DHRS4: variants seen among roughly 807,000 people sequenced by gnomAD.
DHRS4 encodes the protein dehydrogenase/reductase 4, also known as dehydrogenase/reductase SDR family member 4.
DHRS4 carries 20 observed loss-of-function variants against 28.4 expected under a neutral mutation model. The ratio of observed to expected loss-of-function variants is 0.71; its 90% confidence interval spans 0.50 to 1.02. The LOEUF (loss-of-function observed/expected upper bound fraction) is 1.02, where lower values mean the gene tolerates loss of function less well. Ranked by LOEUF, DHRS4 falls within the 50% of genes least tolerant of loss-of-function variation. The pLI is 0.00. For missense variants in DHRS4, 378 were observed against 367.2 expected, an observed-to-expected ratio of 1.03 and a Z score of -0.24; for synonymous variants, 144 against 146.4, an observed-to-expected ratio of 0.98 and a Z score of 0.12.
chr14:23,953,926 C>A lies in DHRS4; in HGVS notation c.128+10C>A, dbSNP rs545347265. On this transcript the variant is annotated intron_variant, in intron 1 of 7. Coordinates refer to ENST00000313250, the MANE Select transcript of DHRS4 (RefSeq NM_021004.4). ...CGGCCTCCACCGACGGGTGAGTGCT[C>A]CGGCCGGAGTTTCTGAGGCCCTGGC... The A allele has an allele frequency of 5.1e-6, 8 of 1,573,204 alleles. No individual in the cohort carries two copies. The African/African-American group carries it at 9.5e-5, about 19-fold the overall frequency.
At position 23,955,117 on chromosome 14, in the gene DHRS4, C is replaced by A. The variant is rs148405684; in HGVS notation, c.211C>A (p.Gln71Lys). 2 of 1,614,124 alleles carry A rather than the reference C, an allele frequency of 1.2e-6. No homozygotes were observed. The highest frequency in any genetic ancestry group is 1.7e-5 in the Admixed American group (1 of 60,026). ...CAGCCGGAAGCAGCAGAATGTGGAC[C>A]AGGCGGTGGCCACGCTGCAGGGGGA... ...VSSRKQQNVD[Q>K]AVATLQGEGL... The change falls in exon 2 of 8, where the codon CAG becomes AAG. Residue 71 changes from glutamine (Q) to lysine (K), a missense_variant. Transcript: ENST00000313250.
chr14:23,956,939 G>T (rs377693602), intron 2 of DHRS4, among the ~76,000 whole-genome samples: 1 of 152,274 alleles, frequency 6.6e-6, no homozygotes, highest in Non-Finnish European at 1.5e-5. Flanking sequence ...GACCTTAAAA[G>T]GATATGGCCT....
chr14:23,957,582 G>A (rs1484413140), intron 2 of DHRS4, among the ~76,000 whole-genome samples: 3 of 150,424 alleles, frequency 2.0e-5, no homozygotes, highest in Admixed American at 6.6e-5. Flanking sequence ...CCAGAGACAG[G>A]GCCTCCTTCT....
At chr14:23,966,099 C>A (rs138982419) in intron 5 of DHRS4, 116 bp downstream of exon 5, 222,541 of 1,596,644 alleles carry the variant, frequency 0.14, 20,992 homozygotes, top group African/African-American at 0.49. Flanking sequence ...CAAGTCCCTG[C>A]CCACAAAATA....
intron 2 of DHRS4, 125 bp downstream of exon 2, chr14:23,955,337 T>C: frequency 7.1e-7 from 1 of 1,401,708 alleles, no homozygotes; most frequent in South Asian, 1.5e-5. Flanking sequence ...GTCCATATAC[T>C]AACGTCAGAG....
At chr14:23,955,012 T>C (rs2033048943) in intron 1 of DHRS4, 23 bp from the exon 2 acceptor site, 8 of 1,613,992 alleles carry the variant, frequency 5.0e-6, no homozygotes, top group East Asian at 2.2e-5. Flanking sequence ...GCCTTAGCAG[T>C]CTTTGTCTCT....
At chr14:23,966,101 C>T in intron 5 of DHRS4, 118 bp downstream of exon 5, 1 of 1,598,222 alleles carries the variant, frequency 6.3e-7, no homozygotes, top group Non-Finnish European at 8.5e-7. Flanking sequence ...AGTCCCTGCC[C>T]ACAAAATAGA....
chr14:23,958,814 G>A (rs2033280392), intron 2 of DHRS4, among the ~76,000 whole-genome samples: 1 of 152,100 alleles, frequency 6.6e-6, no homozygotes, highest in Non-Finnish European at 1.5e-5. Flanking sequence ...AACTAGCTTT[G>A]TGCCCTGAAA....
rs748170382 is a variant in DHRS4, at chr14:23,966,313, G to A, written c.562G>A (p.Ala188Thr). The A allele has an allele frequency of 6.2e-7, 1 of 1,614,018 alleles. No homozygotes were observed. Among genetic ancestry groups the A allele is most frequent in the Non-Finnish European group, 8.5e-7 (1 of 1,180,012 alleles). Reference protein sequence around the residue: ...GFSPYNVSKTALLGLTKTLAI... With the variant: ...GFSPYNVSKTTLLGLTKTLAI... ...CAGTCCTTACAATGTCAGTAAAACA[G>A]CCTTGCTGGGCCTGACCAAGACCCT... The change falls in exon 6 of 8, where the codon GCC becomes ACC. Residue 188 changes from alanine (A) to threonine (T), a missense_variant. Physicochemically the swap from Ala to Thr is moderately conservative, Grantham distance 58. Coordinates refer to ENST00000313250, the MANE Select transcript of DHRS4 (RefSeq NM_021004.4).
At chr14:23,960,125 G>A (rs3742493) in intron 3 of DHRS4, 122 bp downstream of exon 3, 199,060 of 924,494 alleles carry the variant, frequency 0.22, 24,053 homozygotes, top group East Asian at 0.55. Context: ...TCTTTGCCAC[G>A]TGCCACACAC....
Position 23,955,054 on chromosome 14 carries a change from C to G in DHRS4, c.148C>G (p.Arg50Gly), listed in dbSNP as rs772524465. The G allele has an allele frequency of 5.6e-6, 9 of 1,614,182 alleles. No individual in the cohort carries two copies. Among genetic ancestry groups the G allele is most frequent in the Admixed American group, 1.7e-5 (1 of 60,024 alleles). The change falls in exon 2 of 8, where the codon CGG becomes GGG. Residue 50 changes from arginine (R) to glycine (G), a missense_variant. Physicochemically the swap from Arg to Gly is moderately radical, Grantham distance 125. Coordinates refer to ENST00000313250, the MANE Select transcript of DHRS4 (RefSeq NM_021004.4). ...TCACAGGATCGGCTTCGCCATCGCCCGGCGTTTGGCCCAGGACGGGGCCCA... is the reference window on the plus strand; with the variant it reads ...TCACAGGATCGGCTTCGCCATCGCCGGGCGTTTGGCCCAGGACGGGGCCCA... Reference protein sequence around the residue: ...STDGIGFAIARRLAQDGAHVV... With the variant: ...STDGIGFAIAGRLAQDGAHVV...
chr14:23,957,992 A>G (rs1279742371), intron 2 of DHRS4, among the ~76,000 whole-genome samples: 1 of 151,602 alleles, frequency 6.6e-6, no homozygotes, highest in Admixed American at 6.6e-5. Context: ...AGAGCAATCC[A>G]TTGTCTCCTC....
intron 6 of DHRS4, 106 bp downstream of exon 6, chr14:23,966,523 C>A: frequency 6.5e-7 from 1 of 1,549,758 alleles, no homozygotes; most frequent in Non-Finnish European, 8.7e-7. Flanking sequence ...CCACTCCATT[C>A]TCCTTCCCTG....
chr14:23,957,500 T>C lies in DHRS4; in HGVS notation c.306+2288T>C, dbSNP rs574795038. On this transcript the variant is annotated intron_variant, in intron 2 of 7. Coordinates refer to ENST00000313250, the MANE Select transcript of DHRS4 (RefSeq NM_021004.4). ...ACTATCAGAACACAGAACAAACAGC[T>C]CCTAACCGCTTTGGTGTAGTGATCA... Among the ~76,000 whole-genome samples the C allele has an allele frequency of 1.1e-4, 16 of 151,826 alleles. 1 individual carries two copies. The South Asian group carries it at 2.5e-3, about 24-fold the overall frequency.
At chr14:23,955,825 A>G (rs1329386599) in intron 2 of DHRS4, among the ~76,000 whole-genome samples, 1 of 152,232 alleles carries the variant, frequency 6.6e-6, no homozygotes, top group Non-Finnish European at 1.5e-5. Flanking sequence ...TTTAGTCTCA[A>G]AGAAAGTATA....
At chr14:23,954,550 T>G (rs1380030555) in intron 1 of DHRS4, among the ~76,000 whole-genome samples, 2 of 152,244 alleles carry the variant, frequency 1.3e-5, no homozygotes, top group African/African-American at 4.8e-5. Flanking sequence ...ATGCAAAATG[T>G]GTAACTCTTC....
At chr14:23,956,584 A>G (rs201093484) in intron 2 of DHRS4, among the ~76,000 whole-genome samples, 3 of 147,862 alleles carry the variant, frequency 2.0e-5, no homozygotes, top group African/African-American at 7.6e-5. Context: ...GATAGAGGCC[A>G]TGGGCCTCCA....
Position 23,966,344 on chromosome 14 carries a change from T to A in DHRS4, c.593T>A (p.Ile198Lys), listed in dbSNP as rs1230486618. Residue 198 changes from isoleucine to lysine, a missense_variant, in exon 6 of 8, where the codon ATA (isoleucine) becomes AAA (lysine). Physicochemically the swap from Ile to Lys is moderately radical, Grantham distance 102. Transcript: ENST00000313250. ...CTGGGCCTGACCAAGACCCTGGCCA[T>A]AGAGCTGGCCCCAAGGAACATTAGG... ...ALLGLTKTLA[I>K]ELAPRNIRVN... 2.5e-6 allele frequency: 4 copies of A among 1,613,936 alleles called. No individual in the cohort carries two copies. Among genetic ancestry groups the A allele is most frequent in the Admixed American group, 1.7e-5 (1 of 59,998 alleles).
At chr14:23,960,429 T>G (rs1245107819) in intron 3 of DHRS4, among the ~76,000 whole-genome samples, 2 of 152,056 alleles carry the variant, frequency 1.3e-5, no homozygotes, top group African/African-American at 4.8e-5. Context: ...TGCTGCTCCT[T>G]ATTTAAAATA....
Sources: allele counts gnomAD v4.1 joint callset (sites outside exome capture counted in the v4.1 genomes callset), GRCh38; gene constraint gnomAD v4.1.1; transcripts MANE v1.5; gene names NCBI Gene and HGNC (gene_info 2026-07-23, HGNC 2026-07-21).